ZNF718: variants seen among roughly 807,000 people sequenced by gnomAD.
The protein encoded by ZNF718 is zinc finger protein 718.
Under a neutral mutation model 2.6 loss-of-function variants are expected in ZNF718, and 3 were observed. The observed-to-expected ratio is 1.16, with a 90% CI of 0.53 to 3.01. The LOEUF (loss-of-function observed/expected upper bound fraction) is 3.01. Ranked by LOEUF, ZNF718 falls within the 30% of genes most tolerant of loss-of-function variation. The pLI, the probability that ZNF718 is intolerant of heterozygous loss-of-function variation, is 0.03. For synonymous variants in ZNF718, 135 were observed against 77.9 expected (o/e 1.73, Z -3.86); for missense variants, 468 against 230.0 (o/e 2.03, Z -6.69).
intron 3 of ZNF718, among the ~76,000 whole-genome samples, chr4:148,293 C>T (rs1382453527): frequency 6.6e-6 from 1 of 152,030 alleles, no homozygotes; most frequent in Non-Finnish European, 1.5e-5. Flanking sequence ...GACTCGGAGC[C>T]AGGTTATAGT....
chr4:155,912 G>A (rs1716547148), intron 3 of ZNF718, among the ~76,000 whole-genome samples: 1 of 152,152 alleles, frequency 6.6e-6, no homozygotes, highest in Non-Finnish European at 1.5e-5. Context: ...GGGACCCAGT[G>A]GGAGATAATT....
At chr4:134,689 T>G (rs1399846180) in intron 3 of ZNF718, among the ~76,000 whole-genome samples, 2 of 152,234 alleles carry the variant, frequency 1.3e-5, no homozygotes, top group Non-Finnish European at 1.5e-5. Context: ...AAATTTACTA[T>G]GATTAAATTT....
In ZNF718 at chr4:162,768, A is replaced by G. The variant is rs1324344144; in HGVS notation, c.*646A>G. On this transcript the variant is annotated 3_prime_UTR_variant, in exon 4 of 4. Coordinates refer to ENST00000510175, the MANE Select transcript of ZNF718 (RefSeq NM_001039127.6). ...ACAAATGTAATAAATTTGGAAAAGC[A>G]TTTGTTCAAAAACTATAGCTTAAAA... The G allele has an allele frequency of 3.3e-5, 5 of 152,200 alleles. No homozygotes were observed. The highest frequency in any genetic ancestry group is 7.4e-5 in the Non-Finnish European group (5 of 68,024). The allele number at this position is 152,200 out of a possible 1,614,324, so 9.4% of individuals were successfully genotyped here.
In ZNF718 at chr4:130,124, T is replaced by A. The variant is rs1471360736; in HGVS notation, c.4-664T>A. On this transcript the variant is annotated intron_variant, in intron 1 of 3. Transcript: ENST00000510175. Reference sequence around the variant, plus strand: ...AAGTATTTGTGTCGTGATAAGGGTGTTGCAGTGAGGGACTCATGCTGTGAC... The same window carrying A: ...AAGTATTTGTGTCGTGATAAGGGTGATGCAGTGAGGGACTCATGCTGTGAC... Among the ~76,000 whole-genome samples, 7 of 104,026 alleles carry A rather than the reference T, an allele frequency of 6.7e-5. 3 individuals are homozygous for A. Among genetic ancestry groups the A allele is most frequent in the Non-Finnish European group, 1.5e-4 (7 of 46,712 alleles). The allele number at this position is 104,026 out of a possible 152,430, so 68.2% of individuals were successfully genotyped here.
chr4:175,366 G>A (rs1717326072), intron 3 of ZNF718, among the ~76,000 whole-genome samples: 1 of 152,102 alleles, frequency 6.6e-6, no homozygotes, highest in African/African-American at 2.4e-5. Flanking sequence ...AATCACTTTT[G>A]AATAAAACCC....
chr4:159,131 G>T (rs1716713023), intron 3 of ZNF718, among the ~76,000 whole-genome samples: 1 of 151,296 alleles, frequency 6.6e-6, no homozygotes, highest in Admixed American at 6.6e-5. Flanking sequence ...CTGCCTCCTG[G>T]GTTCAAGCAA....
At chr4:137,561 A>G (rs1715625794) in intron 3 of ZNF718, among the ~76,000 whole-genome samples, 2 of 152,180 alleles carry the variant, frequency 1.3e-5, no homozygotes, top group Admixed American at 6.5e-5. Context: ...ATACACGATA[A>G]TACCTCATTG....
At chr4:188,655 C>G (rs569355157) in intron 3 of ZNF718, among the ~76,000 whole-genome samples, 1 of 152,210 alleles carries the variant, frequency 6.6e-6, no homozygotes, top group Non-Finnish European at 1.5e-5. Flanking sequence ...AGCTGCTCTA[C>G]TGAGACTCCA....
intron 3 of ZNF718, among the ~76,000 whole-genome samples, chr4:158,130 A>G (rs1220332909): frequency 6.6e-6 from 1 of 152,136 alleles, no homozygotes; most frequent in Non-Finnish European, 1.5e-5. Context: ...GCTTTTAGTT[A>G]AGGCATATTT....
intron 3 of ZNF718, among the ~76,000 whole-genome samples, chr4:190,429 CAAAA>C (rs368848803): frequency 4.1e-5 from 2 of 49,124 alleles, no homozygotes; most frequent in Non-Finnish European, 8.8e-5. Flanking sequence ...AACTCCATCT[CAAAA>C]AAAAAAAAAA....
chr4:182,574 C>A (rs1441132862), intron 3 of ZNF718, among the ~76,000 whole-genome samples: 1 of 151,972 alleles, frequency 6.6e-6, no homozygotes, highest in Non-Finnish European at 1.5e-5. Flanking sequence ...GCTGGGATCA[C>A]AACAACCACC....
At chr4:145,907 A>G (rs1716031588) in intron 3 of ZNF718, among the ~76,000 whole-genome samples, 1 of 152,126 alleles carries the variant, frequency 6.6e-6, no homozygotes, top group Non-Finnish European at 1.5e-5. Flanking sequence ...GTATAGAAAA[A>G]TTAAACAATT....
At chr4:150,833 A>G (rs1485714591) in intron 3 of ZNF718, among the ~76,000 whole-genome samples, 4 of 152,158 alleles carry the variant, frequency 2.6e-5, no homozygotes, top group African/African-American at 7.2e-5. Flanking sequence ...AACATGCTTC[A>G]GCAGTCCTGT....
chr4:151,305 C>G (rs560661345), intron 3 of ZNF718, among the ~76,000 whole-genome samples: 1 of 151,512 alleles, frequency 6.6e-6, no homozygotes, highest in South Asian at 2.1e-4. Flanking sequence ...GGGGTTTCAC[C>G]GTGTTGCCCA....
chr4:169,861 T>A (rs1219224056), intron 3 of ZNF718, among the ~76,000 whole-genome samples: 1 of 151,986 alleles, frequency 6.6e-6, no homozygotes. Flanking sequence ...AAGGTTAATA[T>A]TGTTATGTGT....
intron 3 of ZNF718, among the ~76,000 whole-genome samples, chr4:171,625 G>C (rs931573650): frequency 1.3e-5 from 2 of 152,198 alleles, no homozygotes; most frequent in Non-Finnish European, 2.9e-5. Context: ...GGCTCTGTGG[G>C]TGTAGGACCC....
chr4:165,282 A>G (rs1553816555), downstream of ZNF718, among the ~76,000 whole-genome samples: 1 of 152,192 alleles, frequency 6.6e-6, no homozygotes, highest in East Asian at 1.9e-4. Context: ...TGCAACATTT[A>G]GATTACTTAA....
intron 3 of ZNF718, among the ~76,000 whole-genome samples, chr4:185,240 GC>G (rs1717544219): frequency 6.6e-6 from 1 of 152,058 alleles, no homozygotes; most frequent in Admixed American, 6.6e-5. Flanking sequence ...CTTGATATTT[GC>G]CTTAATGTCA....
At chr4:194,103 A>G (rs918910976) in intron 3 of ZNF718, among the ~76,000 whole-genome samples, 3 of 152,042 alleles carry the variant, frequency 2.0e-5, no homozygotes, top group Admixed American at 1.3e-4. Context: ...CTTGATCTCT[A>G]TTATAAAAAA....
Sources: gnomAD v4.1 joint callset for allele counts (sites outside exome capture counted in the v4.1 genomes callset) on GRCh38, gnomAD v4.1.1 for gene constraint, MANE v1.5 for transcripts, NCBI Gene and HGNC (gene_info 2026-07-23, HGNC 2026-07-21) for gene names.